DLG2: variants seen among roughly 807,000 people sequenced by gnomAD.
DLG2 encodes discs large MAGUK scaffold protein 2, also known as disks large homolog 2.
Under a neutral mutation model 132.5 loss-of-function variants are expected in DLG2, and 45 were observed. The observed-to-expected ratio is 0.34, with a 90% CI of 0.27 to 0.44. DLG2 has a LOEUF of 0.44. Among genes scored for constraint, DLG2 ranks in the 20% least tolerant of loss-of-function variants. DLG2 has a pLI of 1.00. For synonymous variants in DLG2, 424 were observed against 419.6 expected, an observed-to-expected ratio of 1.01 and a Z score of -0.13; for missense variants, 1,045 against 1,196.9, an observed-to-expected ratio of 0.87 and a Z score of 1.87.
intron 6 of DLG2, among the ~76,000 whole-genome samples, chr11:84,789,447 A>G (rs2073460460): frequency 6.6e-6 from 1 of 152,106 alleles, no homozygotes; most frequent in Non-Finnish European, 1.5e-5. Flanking sequence ...TAGTAGGCAC[A>G]TATATTTATG....
chr11:83,940,888 G>A (rs2082503231), intron 14 of DLG2, among the ~76,000 whole-genome samples: 1 of 152,174 alleles, frequency 6.6e-6, no homozygotes, highest in Non-Finnish European at 1.5e-5. Flanking sequence ...ATAGCACAGT[G>A]CCTAGAAGAC....
At chr11:84,893,488 C>T (rs745781212) in intron 6 of DLG2, among the ~76,000 whole-genome samples, 109 of 152,196 alleles carry the variant, frequency 7.2e-4, no homozygotes, top group Non-Finnish European at 1.4e-3. Flanking sequence ...GGGAAGAAAA[C>T]GAGGTGGTTC....
intron 6 of DLG2, among the ~76,000 whole-genome samples, chr11:84,651,027 C>A (rs143295095): frequency 7.4e-4 from 112 of 151,720 alleles, no homozygotes; most frequent in African/African-American, 2.6e-3. Flanking sequence ...TCCAGAGATG[C>A]TGTACCTTTT....
chr11:84,521,822 A>C (rs1041943231), intron 7 of DLG2, among the ~76,000 whole-genome samples: 2 of 152,348 alleles, frequency 1.3e-5, no homozygotes, highest in Non-Finnish European at 2.9e-5. Context: ...TATGTCTTAT[A>C]GTCCACTGAG....
intron 7 of DLG2, among the ~76,000 whole-genome samples, chr11:84,308,174 C>CG (rs1318995609): frequency 3.3e-5 from 5 of 152,096 alleles, no homozygotes; most frequent in African/African-American, 1.2e-4. Flanking sequence ...TACAGAGAGC[C>CG]GAGTGGTCTG....
chr11:84,009,139 CTTATATT>C (rs2094738579), intron 11 of DLG2, among the ~76,000 whole-genome samples: 1 of 151,752 alleles, frequency 6.6e-6, no homozygotes, highest in Non-Finnish European at 1.5e-5. Flanking sequence ...ACTATGGTTT[CTTATATT>C]TTACTTCATG....
chr11:84,660,440 T>C (rs753031910), intron 6 of DLG2, among the ~76,000 whole-genome samples: 1 of 152,148 alleles, frequency 6.6e-6, no homozygotes, highest in Non-Finnish European at 1.5e-5. Context: ...CTATTTTTGG[T>C]ATCTGCATCA....
In DLG2 at chr11:83,486,032, G is replaced by T. The variant is rs192909587; in HGVS notation, c.2194-1804C>A. The stretch of plus-strand genomic sequence containing the variant: ...TAAAATTACATTCTCAGAGGGAAAA[G>T]AGGTATCACTTCAGAATTTATTACT... On this transcript the variant is annotated intron_variant, in intron 21 of 27. Coordinates refer to ENST00000376104, the MANE Select transcript of DLG2 (RefSeq NM_001142699.3). 4.5e-5 allele frequency: 19 copies of T among 426,764 alleles called. No individual in the cohort carries two copies. The Admixed American group carries it at 8.0e-4, about 18-fold the overall frequency. 26.4% of individuals were successfully genotyped at this position (426,764 alleles called of 1,614,324 possible). A position where few individuals can be genotyped will look rare whatever the true frequency, so the allele number is the denominator to read the frequency against.
intron 4 of DLG2, among the ~76,000 whole-genome samples, chr11:85,222,033 G>A (rs1205551061): frequency 1.3e-5 from 2 of 151,882 alleles, no homozygotes; most frequent in Non-Finnish European, 2.9e-5. Flanking sequence ...CACCTCCCGG[G>A]TTCAAGCTAT....
chr11:83,677,176 G>C (rs2077881914), intron 18 of DLG2, among the ~76,000 whole-genome samples: 1 of 151,970 alleles, frequency 6.6e-6, no homozygotes, highest in African/African-American at 2.4e-5. Flanking sequence ...AAGTTCAAAT[G>C]ATAAATAAAA....
intron 6 of DLG2, among the ~76,000 whole-genome samples, chr11:84,675,482 A>C (rs1477614981): frequency 6.6e-6 from 1 of 152,088 alleles, no homozygotes; most frequent in Admixed American, 6.6e-5. Flanking sequence ...AGTGGAATTC[A>C]GCCTTAAAAC....
chr11:84,756,317 A>G (rs762328601), intron 6 of DLG2, among the ~76,000 whole-genome samples: 3 of 152,218 alleles, frequency 2.0e-5, no homozygotes, highest in Non-Finnish European at 4.4e-5. Context: ...AATAGAAATA[A>G]CTGTTGAGAG....
chr11:84,665,252 T>G (rs1455032966), intron 6 of DLG2, among the ~76,000 whole-genome samples: 1 of 152,180 alleles, frequency 6.6e-6, no homozygotes, highest in Non-Finnish European at 1.5e-5. Context: ...AGCTTTACAA[T>G]GTGTCACACA....
intron 7 of DLG2, among the ~76,000 whole-genome samples, chr11:84,401,671 C>G (rs953429549): frequency 3.3e-5 from 5 of 151,970 alleles, no homozygotes; most frequent in Non-Finnish European, 7.4e-5. Flanking sequence ...GGGTGGTGAC[C>G]CTAAATAACT....
At chr11:83,987,502 T>C (rs1209559277) in intron 11 of DLG2, among the ~76,000 whole-genome samples, 3 of 152,138 alleles carry the variant, frequency 2.0e-5, no homozygotes, top group African/African-American at 4.8e-5. Context: ...AACAGAGATA[T>C]AGATCAATGG....
chr11:83,652,430 G>A (rs900347728), intron 18 of DLG2, among the ~76,000 whole-genome samples: 1 of 152,186 alleles, frequency 6.6e-6, no homozygotes, highest in Admixed American at 6.5e-5. Context: ...GAGTGCAGTG[G>A]TGCAATCTTG....
chr11:84,682,902 C>T (rs905167104), intron 6 of DLG2, among the ~76,000 whole-genome samples: 4 of 152,132 alleles, frequency 2.6e-5, no homozygotes, highest in African/African-American at 9.7e-5. Flanking sequence ...AACATGGATT[C>T]CAATACTGGA....
chr11:84,279,826 G>T (rs1019447740), intron 7 of DLG2, among the ~76,000 whole-genome samples: 1 of 152,138 alleles, frequency 6.6e-6, no homozygotes, highest in East Asian at 1.9e-4. Context: ...GGGTGCTAAG[G>T]GAGGGATAGA....
At chr11:85,154,520 A>G in intron 5 of DLG2, 36 bp downstream of exon 5, 1 of 1,013,268 alleles carries the variant, frequency 9.9e-7, no homozygotes, top group Non-Finnish European at 1.5e-6. Flanking sequence ...CTTACCCATG[A>G]AGCCTAGTAA....
Sources: allele counts gnomAD v4.1 joint callset (sites outside exome capture counted in the v4.1 genomes callset), GRCh38; gene constraint gnomAD v4.1.1; transcripts MANE v1.5; gene names NCBI Gene and HGNC (gene_info 2026-07-23, HGNC 2026-07-21).